The following PDLIM5 variants were observed in gnomAD, a reference collection of about 807,000 sequenced individuals.
PDLIM5 encodes PDZ and LIM domain 5.
PDLIM5 carries 34 observed loss-of-function variants against 64.2 expected under a neutral mutation model. That is an observed-to-expected ratio of 0.53 (90% CI 0.40 to 0.71). PDLIM5 has a LOEUF of 0.71. Among genes scored for constraint, PDLIM5 ranks in the 30% least tolerant of loss-of-function variants. The pLI, the probability that PDLIM5 is intolerant of heterozygous loss-of-function variation, is 0.00. For missense variants in PDLIM5, 683 were observed against 733.6 expected (o/e 0.93, Z 0.80); for synonymous variants, 253 against 269.1 (o/e 0.94, Z 0.59).
At chr4:94,562,152 A>G (rs934289610) in intron 3 of PDLIM5, among the ~76,000 whole-genome samples, 4 of 152,182 alleles carry the variant, frequency 2.6e-5, no homozygotes, top group Non-Finnish European at 5.9e-5. Flanking sequence ...ACCCCTATTA[A>G]CCAGTCATCT....
chr4:94,643,354 A>G (rs946441365), intron 9 of PDLIM5, among the ~76,000 whole-genome samples: 5 of 152,216 alleles, frequency 3.3e-5, no homozygotes, highest in African/African-American at 9.6e-5. Flanking sequence ...GGACATTTTC[A>G]GTCAAATTAT....
chr4:94,548,095 TAC>T (rs1397483455), intron 3 of PDLIM5, among the ~76,000 whole-genome samples: 1 of 152,202 alleles, frequency 6.6e-6, no homozygotes, highest in Non-Finnish European at 1.5e-5. Flanking sequence ...CTTTTAATTT[TAC>T]CCTGATTTTC....
rs759569108 is a variant in PDLIM5, at chr4:94,640,378, T to C, written c.1211T>C (p.Leu404Ser). ...GQTQPSDQDTLVQRAEHIPAG... is the reference protein window; with the variant it reads ...GQTQPSDQDTSVQRAEHIPAG... The stretch of plus-strand genomic sequence containing the variant: ...ACCCAGCCAAGTGACCAGGACACTT[T>C]AGTGCAAAGAGCTGAGCACATTCCA... The change falls in exon 9 of 13, where the codon TTA becomes TCA. Residue 404 changes from leucine to serine, a missense_variant. Physicochemically the swap from Leu to Ser is moderately radical, Grantham distance 145. Coordinates refer to ENST00000317968, the MANE Select transcript of PDLIM5 (RefSeq NM_006457.5). The C allele has an allele frequency of 3.7e-6, 6 of 1,613,110 alleles. No individual in the cohort carries two copies. The East Asian group carries it at 6.7e-5, about 18-fold the overall frequency.
chr4:94,659,992 G>A (rs1742552500), intron 11 of PDLIM5, among the ~76,000 whole-genome samples: 1 of 151,348 alleles, frequency 6.6e-6, no homozygotes, highest in Non-Finnish European at 1.5e-5. Flanking sequence ...CACCTCCCGG[G>A]TTCAGGCGAT....
intron 8 of PDLIM5, among the ~76,000 whole-genome samples, chr4:94,622,222 G>C (rs1739292924): frequency 6.6e-6 from 1 of 152,166 alleles, no homozygotes; most frequent in Non-Finnish European, 1.5e-5. Context: ...TGATGCAAAT[G>C]AAAAAGTCTT....
At chr4:94,520,905 G>A (rs1446512929) in intron 2 of PDLIM5, among the ~76,000 whole-genome samples, 1 of 152,218 alleles carries the variant, frequency 6.6e-6, no homozygotes, top group Non-Finnish European at 1.5e-5. Flanking sequence ...TTCAGATGTT[G>A]ATGGGCATTT....
intron 3 of PDLIM5, among the ~76,000 whole-genome samples, chr4:94,564,863 A>G (rs1734174062): frequency 2.0e-5 from 3 of 151,466 alleles, no homozygotes; most frequent in Admixed American, 6.6e-5. Context: ...TCACCGTGTT[A>G]GCCAGGATGG....
At chr4:94,511,443 A>G (rs1457624465) in intron 2 of PDLIM5, among the ~76,000 whole-genome samples, 1 of 152,136 alleles carries the variant, frequency 6.6e-6, no homozygotes, top group Non-Finnish European at 1.5e-5. Flanking sequence ...CATCCCCTGA[A>G]GCATTTATCC....
At chr4:94,515,990 A>G (rs1404339093) in intron 2 of PDLIM5, among the ~76,000 whole-genome samples, 1 of 152,260 alleles carries the variant, frequency 6.6e-6, no homozygotes, top group Non-Finnish European at 1.5e-5. Flanking sequence ...TTGGATTTAG[A>G]CATATGTAGA....
intron 2 of PDLIM5, among the ~76,000 whole-genome samples, chr4:94,483,977 G>A (rs761320848): frequency 6.6e-6 from 1 of 151,934 alleles, no homozygotes; most frequent in Non-Finnish European, 1.5e-5. Context: ...CTTACCTCTC[G>A]TGTTGAAATT....
intron 3 of PDLIM5, among the ~76,000 whole-genome samples, chr4:94,564,195 CT>C (rs1734089576): frequency 6.6e-6 from 1 of 152,076 alleles, no homozygotes; most frequent in African/African-American, 2.4e-5. Context: ...ATCTCCTGAC[CT>C]TGTGATCCAC....
At chr4:94,644,446 C>G (rs1741241135) in intron 9 of PDLIM5, among the ~76,000 whole-genome samples, 1 of 151,636 alleles carries the variant, frequency 6.6e-6, no homozygotes, top group Non-Finnish European at 1.5e-5. Context: ...TGTAAAGAAA[C>G]TATACACCAA....
chr4:94,661,870 G>T (rs781658027), intron 11 of PDLIM5, among the ~76,000 whole-genome samples: 44 of 151,460 alleles, frequency 2.9e-4, no homozygotes, highest in Non-Finnish European at 6.0e-4. Context: ...CACTAGGCTG[G>T]AGTGCAGTGG....
At chr4:94,582,269 C>T (rs1735795736) in intron 5 of PDLIM5, among the ~76,000 whole-genome samples, 1 of 152,144 alleles carries the variant, frequency 6.6e-6, no homozygotes, top group Non-Finnish European at 1.5e-5. Flanking sequence ...CTAAAATGAT[C>T]TATTTCTACA....
intron 10 of PDLIM5, 79 bp from the exon 11 acceptor site, chr4:94,657,348 C>A: frequency 2.0e-6 from 2 of 1,023,842 alleles, no homozygotes; most frequent in Non-Finnish European, 3.0e-6. Flanking sequence ...CAGGGATTTA[C>A]TGGTACAGAT....
intron 3 of PDLIM5, among the ~76,000 whole-genome samples, chr4:94,532,718 C>T (rs960036773): frequency 2.0e-5 from 3 of 152,116 alleles, no homozygotes; most frequent in Non-Finnish European, 4.4e-5. Context: ...GTTTTAGGGG[C>T]CAGGCACTGT....
At chr4:94,512,288 G>A (rs973726252) in intron 2 of PDLIM5, among the ~76,000 whole-genome samples, 1 of 151,948 alleles carries the variant, frequency 6.6e-6, no homozygotes, top group Non-Finnish European at 1.5e-5. Flanking sequence ...CAAAGTTCTG[G>A]GATTACAGGC....
intron 7 of PDLIM5, among the ~76,000 whole-genome samples, chr4:94,600,049 G>A (rs1737369082): frequency 6.6e-6 from 1 of 152,074 alleles, no homozygotes; most frequent in African/African-American, 2.4e-5. Flanking sequence ...ATGACCCAAG[G>A]GATTTGAACT....
intron 7 of PDLIM5, among the ~76,000 whole-genome samples, chr4:94,616,601 A>G (rs887347801): frequency 4.6e-5 from 7 of 152,236 alleles, no homozygotes; most frequent in Admixed American, 3.9e-4. Context: ...ATTGTGTTCA[A>G]TATTCCCATG....
Sources: allele counts gnomAD v4.1 joint callset (sites outside exome capture counted in the v4.1 genomes callset), GRCh38; gene constraint gnomAD v4.1.1; transcripts MANE v1.5; gene names NCBI Gene and HGNC (gene_info 2026-07-23, HGNC 2026-07-21).